The following ZDHHC21 variants were observed in gnomAD, a reference collection of about 807,000 sequenced individuals.
The protein encoded by ZDHHC21 is palmitoyltransferase ZDHHC21.
Under a neutral mutation model 34.6 loss-of-function variants are expected in ZDHHC21, and 15 were observed. The ratio of observed to expected loss-of-function variants is 0.43; its 90% CI spans 0.29 to 0.67. The LOEUF (loss-of-function observed/expected upper bound fraction) is 0.67, where lower values mean the gene tolerates loss of function less well. Ranked by LOEUF, ZDHHC21 falls within the 30% of genes least tolerant of loss-of-function variation. ZDHHC21 has a pLI of 0.14. For synonymous variants in ZDHHC21, 142 were observed against 101.8 expected (o/e 1.40, Z -2.38); for missense variants, 344 against 327.7 (o/e 1.05, Z -0.38).
intron 2 of ZDHHC21, among the ~76,000 whole-genome samples, chr9:14,689,526 GC>G (rs1313469598): frequency 1.3e-5 from 2 of 152,174 alleles, no homozygotes; most frequent in Non-Finnish European, 2.9e-5. Flanking sequence ...GCAAAATTGA[GC>G]ATAAGCTGTT....
At chr9:14,604,941 A>C in the ZDHHC21 span, among the ~76,000 whole-genome samples, 2 of 152,132 alleles carry the variant, frequency 1.3e-5, no homozygotes, top group Admixed American at 6.5e-5. Context: ...TAGATACTTC[A>C]TATTGGTGAA....
intron 2 of ZDHHC21, among the ~76,000 whole-genome samples, chr9:14,686,170 T>C (rs1838293342): frequency 6.6e-6 from 1 of 151,932 alleles, no homozygotes; most frequent in Admixed American, 6.6e-5. Flanking sequence ...AACCTGCATG[T>C]TGTGCACATG....
chr9:14,624,335 T>TGG (rs1825844322), intron 8 of ZDHHC21, among the ~76,000 whole-genome samples: 1 of 152,086 alleles, frequency 6.6e-6, no homozygotes, highest in African/African-American at 2.4e-5. Context: ...GAGGGACAAC[T>TGG]GTATATTCAA....
chr9:14,689,643 C>A (rs192311119), intron 2 of ZDHHC21, among the ~76,000 whole-genome samples: 4 of 152,294 alleles, frequency 2.6e-5, no homozygotes, highest in East Asian at 3.9e-4. Context: ...ACTGCTAACA[C>A]TATCCTAGTA....
At chr9:14,675,252 C>A (rs913549069) in intron 3 of ZDHHC21, among the ~76,000 whole-genome samples, 3 of 151,788 alleles carry the variant, frequency 2.0e-5, no homozygotes, top group Non-Finnish European at 4.4e-5. Context: ...TACATCCATA[C>A]TTTGGTAGAT....
rs1341879187 is a variant in ZDHHC21 at position 14,615,407 on chromosome 9, C to T, written c.*3559G>A. The T allele has an allele frequency of 9.9e-5, 15 of 151,590 alleles. No homozygotes were observed. The highest frequency in any genetic ancestry group is 8.6e-4 in the Admixed American group (13 of 15,176). The allele number at this position is 151,590 out of a possible 1,614,324, so 9.4% of individuals were successfully genotyped here. On this transcript the variant is annotated 3_prime_UTR_variant, in exon 10 of 10. Transcript: ENST00000380916. Reference sequence around the variant, plus strand: ...AACTCAGCTGTTATACTGAACATTACGTATTATGTTCTCTATTTCATTATT... The same window carrying T: ...AACTCAGCTGTTATACTGAACATTATGTATTATGTTCTCTATTTCATTATT...
intron 4 of ZDHHC21, among the ~76,000 whole-genome samples, chr9:14,673,746 T>A (rs12338477): frequency 3.9e-5 from 6 of 152,024 alleles, no homozygotes; most frequent in Non-Finnish European, 7.4e-5. Context: ...CCATCACCAA[T>A]TGACTAATAA....
At chr9:14,659,859 G>T (rs1340078875) in intron 6 of ZDHHC21, among the ~76,000 whole-genome samples, 2 of 152,154 alleles carry the variant, frequency 1.3e-5, no homozygotes, top group African/African-American at 4.8e-5. Context: ...AGGATTATAA[G>T]AGAAGTGTGC....
the ZDHHC21 span, among the ~76,000 whole-genome samples, chr9:14,601,466 G>A: frequency 2.0e-5 from 3 of 152,176 alleles, no homozygotes; most frequent in Non-Finnish European, 4.4e-5. Flanking sequence ...ATGCCAGTTA[G>A]AATGACAACC....
chr9:14,635,849 A>C (rs1267154173), intron 8 of ZDHHC21, among the ~76,000 whole-genome samples: 1 of 152,228 alleles, frequency 6.6e-6, no homozygotes, highest in African/African-American at 2.4e-5. Context: ...CAATAGAGCA[A>C]GACTCTGTCT....
At chr9:14,603,108 G>C in the ZDHHC21 span, among the ~76,000 whole-genome samples, 2,396 of 152,104 alleles carry the variant, frequency 0.016, 30 homozygotes, top group Non-Finnish European at 0.026. Context: ...TCCATATTTT[G>C]AATATGTTGA....
intron 8 of ZDHHC21, among the ~76,000 whole-genome samples, chr9:14,622,010 A>G (rs1240684129): frequency 6.6e-6 from 1 of 152,166 alleles, no homozygotes; most frequent in African/African-American, 2.4e-5. Flanking sequence ...TACAAAATAT[A>G]AGTCCTCAGT....
chr9:14,641,403 A>C (rs1829341636), intron 7 of ZDHHC21, among the ~76,000 whole-genome samples: 1 of 152,202 alleles, frequency 6.6e-6, no homozygotes. Flanking sequence ...ATAAAAAATT[A>C]AGTAAATTCT....
chr9:14,653,073 A>C (rs914155958), intron 7 of ZDHHC21, among the ~76,000 whole-genome samples: 1 of 152,008 alleles, frequency 6.6e-6, no homozygotes, highest in African/African-American at 2.4e-5. Context: ...CACAAAAAAT[A>C]TGTATAATAA....
At chr9:14,689,276 A>T (rs1838817880) in intron 2 of ZDHHC21, among the ~76,000 whole-genome samples, 1 of 152,228 alleles carries the variant, frequency 6.6e-6, no homozygotes, top group Non-Finnish European at 1.5e-5. Flanking sequence ...AAACTAAATC[A>T]CATTCAAGTA....
At chr9:14,660,374 A>AAAAAAAT (rs1833151315) in intron 6 of ZDHHC21, among the ~76,000 whole-genome samples, 1 of 141,748 alleles carries the variant, frequency 7.1e-6, no homozygotes, top group Non-Finnish European at 1.6e-5. Flanking sequence ...CTCCATCTCA[A>AAAAAAAT]AAAAAAAAAA....
chr9:14,589,292 G>T, the ZDHHC21 span: 1 of 152,132 alleles, frequency 6.6e-6, no homozygotes, highest in Non-Finnish European at 1.5e-5. Flanking sequence ...GAAAGAATTG[G>T]AGAAAATGTA....
intron 5 of ZDHHC21, among the ~76,000 whole-genome samples, chr9:14,665,453 A>G (rs1834248836): frequency 6.7e-6 from 1 of 150,342 alleles, no homozygotes; most frequent in Non-Finnish European, 1.5e-5. Flanking sequence ...AACTTCCCCA[A>G]TCTAGCAAGG....
At chr9:14,660,905 G>C (rs945889182) in intron 6 of ZDHHC21, among the ~76,000 whole-genome samples, 1 of 152,044 alleles carries the variant, frequency 6.6e-6, no homozygotes, top group African/African-American at 2.4e-5. Flanking sequence ...CTTAAAAACT[G>C]AGCTTTTCTG....
Sources: allele counts gnomAD v4.1 joint callset (sites outside exome capture counted in the v4.1 genomes callset), GRCh38; gene constraint gnomAD v4.1.1; transcripts MANE v1.5; gene names NCBI Gene and HGNC (gene_info 2026-07-23, HGNC 2026-07-21).